RBM44: variants seen among roughly 807,000 people sequenced by gnomAD.
The protein encoded by RBM44 is RNA-binding protein 44.
Under a neutral mutation model 105.1 loss-of-function variants are expected in RBM44, and 66 were observed. That is an observed-to-expected ratio of 0.63 (90% CI 0.52 to 0.77). RBM44 has a LOEUF of 0.77. RBM44 is among the 30% of genes least tolerant of loss of function. The probability of loss-of-function intolerance (pLI) is 0.00; values close to 1 mark genes in which losing one functional copy is unlikely to be tolerated. For missense variants in RBM44, 1,122 were observed against 1,207.8 expected, an observed-to-expected ratio of 0.93 and a Z score of 1.05; for synonymous variants, 365 against 417.6, an observed-to-expected ratio of 0.87 and a Z score of 1.54.
intron 1 of RBM44, among the ~76,000 whole-genome samples, chr2:237,800,879 A>G (rs143978930): frequency 6.6e-6 from 1 of 152,136 alleles, no homozygotes; most frequent in Non-Finnish European, 1.5e-5. Context: ...GGCACCCACT[A>G]CCACGCCCAC....
At position 237,801,439 on chromosome 2, in the gene RBM44, T is replaced by C. The variant is rs527471943; in HGVS notation, c.-19+2578T>C. On this transcript the variant is annotated intron_variant, in intron 1 of 15. Coordinates refer to ENST00000316997, the MANE Select transcript of RBM44 (RefSeq NM_001080504.3). ...TCCTGGGCTCAAGTGATCCTCCCAC[T>C]TCAGCTTCCCAAGTAGCTGGGAACA... Among the ~76,000 whole-genome samples, 64 of 152,266 alleles carry C rather than the reference T, an allele frequency of 4.2e-4. No individual in the cohort carries two copies. In the South Asian group the frequency reaches 0.013, roughly 31 times the overall value.
chr2:237,833,466 C>T (rs2061922301), intron 13 of RBM44, among the ~76,000 whole-genome samples: 1 of 152,126 alleles, frequency 6.6e-6, no homozygotes, highest in African/African-American at 2.4e-5. Flanking sequence ...AGTTTTTCCC[C>T]CACAGCATAT....
At chr2:237,829,713 C>T (rs568250478) in intron 13 of RBM44, among the ~76,000 whole-genome samples, 6 of 152,270 alleles carry the variant, frequency 3.9e-5, no homozygotes, top group South Asian at 2.1e-4. Context: ...ACCAAGCTAA[C>T]GAAAAACTCG....
intron 13 of RBM44, among the ~76,000 whole-genome samples, chr2:237,829,978 A>G (rs546335096): frequency 9.7e-4 from 148 of 152,220 alleles, no homozygotes; most frequent in Non-Finnish European, 1.8e-3. Flanking sequence ...GGAGTCCCAT[A>G]GGCATTCCAC....
chr2:237,805,624 T>A (rs138337041), intron 1 of RBM44, among the ~76,000 whole-genome samples: 227 of 152,326 alleles, frequency 1.5e-3, no homozygotes, highest in Middle Eastern at 6.8e-3. Context: ...GACCTCTACC[T>A]TTCACCATAT....
intron 1 of RBM44, among the ~76,000 whole-genome samples, chr2:237,808,558 A>G (rs1044231820): frequency 1.3e-5 from 2 of 152,154 alleles, no homozygotes; most frequent in Non-Finnish European, 2.9e-5. Context: ...TGGGTTTCAC[A>G]TCAAAATTAG....
chr2:237,832,739 C>T (rs954998000), intron 13 of RBM44, among the ~76,000 whole-genome samples: 1 of 152,164 alleles, frequency 6.6e-6, no homozygotes, highest in African/African-American at 2.4e-5. Context: ...TTATTCTATT[C>T]ATTTAGAAAA....
chr2:237,810,088 A>G (rs2061641426), intron 1 of RBM44, among the ~76,000 whole-genome samples: 1 of 152,256 alleles, frequency 6.6e-6, no homozygotes, highest in Non-Finnish European at 1.5e-5. Flanking sequence ...TATAAAAAAT[A>G]TTTCAACATG....
chr2:237,818,946 A>C lies in RBM44; in HGVS notation c.1723A>C (p.Lys575Gln). Residue 575 changes from lysine to glutamine, a missense_variant, in exon 4 of 16, where the codon AAA becomes CAA. Around this residue, in one of 3 missense-constraint regions of RBM44, gnomAD observed 918 missense variants for 955.3 expected, o/e 0.96. Coordinates refer to ENST00000316997, the MANE Select transcript of RBM44 (RefSeq NM_001080504.3). The surrounding 1 kb of genome is among the most constrained non-coding windows in gnomAD (Gnocchi z 4.6). ...AGCATGTGGTATCACAGACCTAAAG[A>C]AACATCCTGAGAGGTACATCATTTA... Reference protein sequence around the residue: ...RKACGITDLKKHPEREFQLFK... With the variant: ...RKACGITDLKQHPEREFQLFK... 4.8e-6 allele frequency: 7 copies of C among 1,471,330 alleles called. No homozygotes were observed. The highest frequency in any genetic ancestry group is 6.5e-6 in the Non-Finnish European group (7 of 1,080,978). The allele number at this position is 1,471,330 out of a possible 1,614,324, so 91.1% of individuals were successfully genotyped here.
At chr2:237,832,125 T>A (rs1282410417) in intron 13 of RBM44, among the ~76,000 whole-genome samples, 1 of 152,052 alleles carries the variant, frequency 6.6e-6, no homozygotes, top group East Asian at 1.9e-4. Context: ...GTGATTTGAG[T>A]AATTCATTTG....
At position 237,840,689 on chromosome 2, in the gene RBM44, T is replaced by G. The variant is rs550359937; in HGVS notation, c.*23-1150T>G. ...GCAAACTATGTATCTGACAAAGGTC[T>G]AATATGCAGAATCTGTAAGGAACTT... On this transcript the variant is annotated intron_variant, in intron 15 of 15. Transcript: ENST00000316997. Among the ~76,000 whole-genome samples the G allele has an allele frequency of 1.7e-3, 256 of 152,278 alleles. 2 individuals are homozygous for G. The highest frequency in any genetic ancestry group is 5.8e-3 in the African/African-American group (240 of 41,552).
intron 1 of RBM44, among the ~76,000 whole-genome samples, chr2:237,811,629 C>T (rs1264558151): frequency 1.3e-5 from 2 of 151,354 alleles, no homozygotes; most frequent in African/African-American, 4.9e-5. Flanking sequence ...CTTTGATGGC[C>T]TTTTCATTTT....
chr2:237,832,739 C>G (rs954998000), intron 13 of RBM44, among the ~76,000 whole-genome samples: 1 of 152,164 alleles, frequency 6.6e-6, no homozygotes, highest in African/African-American at 2.4e-5. Context: ...TTATTCTATT[C>G]ATTTAGAAAA....
In RBM44 at chr2:237,821,378, G is replaced by A. The variant is rs764811455; in HGVS notation, c.2120+10G>A. 19 of 1,542,898 alleles carry A rather than the reference G, an allele frequency of 1.2e-5. 1 individual carries two copies. The South Asian group carries it at 1.8e-4, about 15-fold the overall frequency. ...AAAAAGAAACACATGTGTGAGTTATGGTTTCATTTGATTTATAATTCATTA... is the reference window on the plus strand; with the variant it reads ...AAAAAGAAACACATGTGTGAGTTATAGTTTCATTTGATTTATAATTCATTA... On this transcript the variant is annotated intron_variant, in intron 7 of 15. Transcript: ENST00000316997.
In RBM44 at chr2:237,834,034, AATT is replaced by A; in HGVS notation, c.2929_2931del (p.Leu977del). 1 of 1,564,824 alleles carries A rather than the reference AATT, an allele frequency of 6.4e-7. No individual in the cohort carries two copies. Among genetic ancestry groups the A allele is most frequent in the Non-Finnish European group, 8.7e-7 (1 of 1,152,824 alleles). On this transcript the variant is annotated inframe_deletion, in exon 14 of 16. Transcript: ENST00000316997. The stretch of plus-strand genomic sequence containing the variant: ...AATTGTAAGCAGATTGAATCTGCTA[AATT>A]ATTACCTGATACACCCGTTCAATTC...
intron 9 of RBM44, 23 bp from the exon 10 acceptor site, chr2:237,824,268 G>A: frequency 1.2e-6 from 2 of 1,610,680 alleles, no homozygotes; most frequent in African/African-American, 1.3e-5. Context: ...GTCATTCATA[G>A]CTCACTGTGT....
At chr2:237,808,212 G>A (rs1240161673) in intron 1 of RBM44, among the ~76,000 whole-genome samples, 1 of 152,122 alleles carries the variant, frequency 6.6e-6, no homozygotes, top group Non-Finnish European at 1.5e-5. Context: ...TAGCACTTTG[G>A]GAGACTGAGG....
chr2:237,825,045 GT>G (rs1238404179), intron 10 of RBM44, among the ~76,000 whole-genome samples: 7 of 151,214 alleles, frequency 4.6e-5, no homozygotes, highest in Admixed American at 6.6e-5. Context: ...GCTTATTATG[GT>G]TTTTTTAATA....
intron 1 of RBM44, among the ~76,000 whole-genome samples, chr2:237,808,889 A>G (rs953786027): frequency 6.6e-6 from 1 of 152,240 alleles, no homozygotes; most frequent in African/African-American, 2.4e-5. Flanking sequence ...TTACTAAAAA[A>G]TAATTCTTCA....
Sources: gnomAD v4.1 joint callset for allele counts (sites outside exome capture counted in the v4.1 genomes callset) on GRCh38, gnomAD v4.1.1 for gene constraint, gnomAD v4.1.1 regional missense constraint, Gnocchi (gnomAD v3.1) non-coding constraint, MANE v1.5 for transcripts, NCBI Gene and HGNC (gene_info 2026-07-23, HGNC 2026-07-21) for gene names.